Variants in ABCC10 observed in about 807,000 individuals in gnomAD.
The protein encoded by ABCC10 is ATP-binding cassette sub-family C member 10.
In ABCC10, 110 loss-of-function variants were observed where a neutral mutation model predicts 143.2. That is an observed-to-expected ratio of 0.77 (90% CI 0.66 to 0.90). The LOEUF is 0.90. ABCC10 is among the 40% of genes least tolerant of loss of function. ABCC10 has a pLI of 0.00. For missense variants in ABCC10, 1,700 were observed against 1,900.5 expected, an observed-to-expected ratio of 0.89 and a Z score of 1.96; for synonymous variants, 805 against 846.7, an observed-to-expected ratio of 0.95 and a Z score of 0.85.
Position 43,444,933 on chromosome 6 carries a change from C to G in ABCC10, c.2835C>G (p.Asn945Lys). 4 of 1,611,314 alleles carry G rather than the reference C, an allele frequency of 2.5e-6. No individual in the cohort carries two copies. The highest frequency in any genetic ancestry group is 3.4e-6 in the Non-Finnish European group (4 of 1,178,712). ...AGCTGCTCCTCTTTTCCCCTGGAAA[C>G]CTCTAGTGAGTGGCTGGGGCTGGGG... ...SPQLLLFSPG[N>K]LYIPVFPLPK... is the part of the protein sequence containing the mutation. The change falls in exon 13 of 22, where the codon AAC (asparagine) becomes AAG (lysine). Residue 945 changes from asparagine (N) to lysine (K), a missense_variant. Coordinates refer to ENST00000372530, the MANE Select transcript of ABCC10 (RefSeq NM_001198934.2).
rs1783624891 is a variant in ABCC10, at chr6:43,450,263, G to GC, written c.*173dup. 1.1e-6 allele frequency: 1 copy of GC among 908,596 alleles called. No individual in the cohort carries two copies. The highest frequency in any genetic ancestry group is 1.6e-6 in the Non-Finnish European group (1 of 624,982). 56.3% of individuals were successfully genotyped at this position (908,596 alleles called of 1,614,324 possible). On this transcript the variant is annotated 3_prime_UTR_variant, in exon 22 of 22. Transcript: ENST00000372530. This position sits in a 1 kb window ranked among gnomAD's most constrained non-coding sequence, Gnocchi z 4.5. ...TTTGGAAATCACTCCTTGGTGGGCA[G>GC]CATCCTGAGGCTTCCCCAGAACCAG...
rs1479579559 is a variant in ABCC10, at chr6:43,443,965, G to T, written c.2449G>T (p.Ala817Ser). Residue 817 changes from alanine (A) to serine (S), a missense_variant, in exon 11 of 22, where the codon GCT (alanine) becomes TCT (serine). Ala to Ser is a moderately conservative substitution (Grantham distance 99, BLOSUM62 1). Transcript: ENST00000372530. The surrounding 1 kb of genome is among the most constrained non-coding windows in gnomAD (Gnocchi z 4.2). The stretch of plus-strand genomic sequence containing the variant: ...CTCTGAGATTCTGCCACTGGTACAA[G>T]CTGTCCCCAAAGCCTGGGCTGAGAA... ...PPSEILPLVQ[A>S]VPKAWAENGQ... 6.2e-7 allele frequency: 1 copy of T among 1,614,206 alleles called. No homozygotes were observed. The highest frequency in any genetic ancestry group is 8.5e-7 in the Non-Finnish European group (1 of 1,180,008).
chr6:43,445,932 G>A lies in ABCC10; in HGVS notation c.3364G>A (p.Ala1122Thr). The stretch of plus-strand genomic sequence containing the variant: ...CCTCTCTGTGCTCCGGGCCACAGGG[G>A]CCACCTACAGGTGTGTGAACCAGAG... ...AGLSVLRATG[A>T]TYRFEEENLR... Residue 1122 changes from alanine (A) to threonine (T), a missense_variant, in exon 15 of 22, where the codon GCC becomes ACC. Ala to Thr is a moderately conservative substitution (Grantham distance 58). Transcript: ENST00000372530. 6.2e-7 allele frequency: 1 copy of A among 1,612,070 alleles called. No individual in the cohort carries two copies.
rs1782462893 is a variant in ABCC10, at chr6:43,441,467, T to C, written c.2128-395T>C. On this transcript the variant is annotated intron_variant, in intron 8 of 21. Transcript: ENST00000372530. Reference sequence around the variant, plus strand: ...CTCCAGCCTGGCGACAGAGCGAGACTCCGTCTCAAAAAAAAAAAAGGGTAG... The same window carrying C: ...CTCCAGCCTGGCGACAGAGCGAGACCCCGTCTCAAAAAAAAAAAAGGGTAG... 2.0e-5 allele frequency among the ~76,000 whole-genome samples: 3 copies of C among 151,016 alleles called. No individual in the cohort carries two copies. In the South Asian group the frequency reaches 6.3e-4, roughly 32 times the overall value.
intron 9 of ABCC10, among the ~76,000 whole-genome samples, chr6:43,442,729 T>TAAA: frequency 6.8e-6 from 1 of 146,622 alleles, no homozygotes; most frequent in African/African-American, 2.6e-5. Context: ...AGACCATGTC[T>TAAA]CAAAAAAAAA....
At chr6:43,432,044 A>G in intron 2 of ABCC10, 98 bp from the exon 3 acceptor site, 1 of 1,523,604 alleles carries the variant, frequency 6.6e-7, no homozygotes, top group Non-Finnish European at 8.8e-7. Flanking sequence ...GCAGGAAGGG[A>G]GTTGATTCCT....
chr6:43,445,259 G>A lies in ABCC10; in HGVS notation c.2975G>A (p.Gly992Asp). The change falls in exon 14 of 22, where the codon GGC (glycine) becomes GAC (aspartate). Residue 992 changes from glycine (G) to aspartate (D), a missense_variant. By Grantham distance (94) the Gly-to-Asp change is moderately conservative. Coordinates refer to ENST00000372530, the MANE Select transcript of ABCC10 (RefSeq NM_001198934.2). Reference sequence around the variant, plus strand: ...CTCCGGGCAGTGCTCTTTGCAGCAGGCACCCTTCAAGCAGCTGCCACTCTG... The same window carrying A: ...CTCCGGGCAGTGCTCTTTGCAGCAGACACCCTTCAAGCAGCTGCCACTCTG... The part of the protein sequence containing the change: ...TLLRAVLFAA[G>D]TLQAAATLHR... 1 of 1,613,924 alleles carries A rather than the reference G, an allele frequency of 6.2e-7. No individual in the cohort carries two copies. Among genetic ancestry groups the A allele is most frequent in the Non-Finnish European group, 8.5e-7 (1 of 1,179,966 alleles).
intron 16 of ABCC10, chr6:43,446,856 T>G: frequency 1.9e-6 from 2 of 1,070,424 alleles, no homozygotes; most frequent in Non-Finnish European, 2.3e-6. Flanking sequence ...TTTGTTTTGT[T>G]TTTTTTTTTG....
intron 8 of ABCC10, among the ~76,000 whole-genome samples, chr6:43,441,125 C>G (rs546490544): frequency 6.6e-6 from 1 of 151,202 alleles, no homozygotes; most frequent in South Asian, 2.1e-4. Flanking sequence ...AAGTAAAAAC[C>G]TATAAAAGCT....
intron 8 of ABCC10, 48 bp downstream of exon 8, chr6:43,438,843 C>G (rs762436886): frequency 6.3e-7 from 1 of 1,597,160 alleles, no homozygotes; most frequent in East Asian, 2.2e-5. Context: ...TCTCCAGTGT[C>G]CCTGACACCT....
intron 1 of ABCC10, 96 bp from the exon 2 acceptor site, chr6:43,427,872 T>A: frequency 1.4e-6 from 2 of 1,434,194 alleles, no homozygotes; most frequent in Non-Finnish European, 2.0e-6. Context: ...CGGTCCCGGT[T>A]CCAGGGCGGG....
At position 43,437,961 on chromosome 6, in the gene ABCC10, G is replaced by T. The variant is rs1345486548; in HGVS notation, c.1903G>T (p.Val635Phe). ...TATGCTGGTGGGCATCGTGGGGAAG[G>T]TCGGCTGTGGGAAGAGCTCCCTGCT... ...KGMLVGIVGK[V>F]GCGKSSLLAA... Residue 635 changes from valine (V) to phenylalanine (F), a missense_variant, in exon 7 of 22, where the codon GTC becomes TTC. Coordinates refer to ENST00000372530, the MANE Select transcript of ABCC10 (RefSeq NM_001198934.2). 12 of 1,613,222 alleles carry T rather than the reference G, an allele frequency of 7.4e-6. No individual in the cohort carries two copies. The highest frequency in any genetic ancestry group is 3.3e-5 in the Admixed American group (2 of 59,906).
chr6:43,439,406 A>ATT (rs11386275), intron 8 of ABCC10, among the ~76,000 whole-genome samples: 10,165 of 148,234 alleles, frequency 0.069, 860 homozygotes, highest in African/African-American at 0.2. Context: ...AAATTGATTA[A>ATT]TTTTTTTTTT....
At chr6:43,438,924 TCGGA>T in intron 8 of ABCC10, 129 bp downstream of exon 8, 1 of 1,158,972 alleles carries the variant, frequency 8.6e-7, no homozygotes, top group South Asian at 1.5e-5. Context: ...GGAATGGCCA[TCGGA>T]CTGTGGTCCT....
downstream of ABCC10, chr6:43,450,866 C>T (rs759095967): frequency 8.1e-6 from 13 of 1,614,042 alleles, no homozygotes; most frequent in Admixed American, 1.7e-5. This position sits in a 1 kb window ranked among gnomAD's most constrained non-coding sequence, Gnocchi z 4.5. Flanking sequence ...GGGCTGGCCC[C>T]GTGGCAGGTA....
chr6:43,432,768 TC>T lies in ABCC10; in HGVS notation c.790del (p.Gln264ArgfsTer28). On this transcript the variant is annotated frameshift_variant, in exon 3 of 22. Transcript: ENST00000372530. LOFTEE classifies it high-confidence loss of function. Reference sequence around the variant, plus strand: ...CAGCCAACCTACCTGGCTCGTGTCTTCCAGGCACACTGGCAGGAGGGGGCAC... The same window carrying T: ...CAGCCAACCTACCTGGCTCGTGTCTTCAGGCACACTGGCAGGAGGGGGCAC... ...RLQPTYLARVFQAHWQEGARL... is the reference protein window; with the variant it reads ...RLQPTYLARVXQAHWQEGARL... 6.2e-7 allele frequency: 1 copy of T among 1,614,200 alleles called. No individual in the cohort carries two copies. Among genetic ancestry groups the T allele is most frequent in the South Asian group, 1.1e-5 (1 of 91,092 alleles).
Position 43,447,234 on chromosome 6 carries a change from C to T in ABCC10, c.3545-14C>T. ...GTCCAAGCTCTCCCAGCAGCTGGTA[C>T]TTCTCTCCCCCAGGGCTGGTGGGCT... is the stretch of plus-strand genomic sequence containing the variant. On this transcript the variant is annotated splice_polypyrimidine_tract_variant and intron_variant, in intron 16 of 21. Coordinates refer to ENST00000372530, the MANE Select transcript of ABCC10 (RefSeq NM_001198934.2). The T allele has an allele frequency of 6.2e-7, 1 of 1,610,264 alleles. No individual in the cohort carries two copies. The highest frequency in any genetic ancestry group is 1.1e-5 in the South Asian group (1 of 90,802).
rs1782710083 is a variant in ABCC10, at chr6:43,443,622, A to G, written c.2417-311A>G. ...GAGAAAAAGCTCTGCAGTAATGAGA[A>G]GTAACCCTGGACAGAGTGGCAGGCA... On this transcript the variant is annotated intron_variant, in intron 10 of 21. Coordinates refer to ENST00000372530, the MANE Select transcript of ABCC10 (RefSeq NM_001198934.2). The surrounding 1 kb of genome is among the most constrained non-coding windows in gnomAD (Gnocchi z 4.2). The G allele has an allele frequency of 2.9e-6, 1 of 346,164 alleles. No homozygotes were observed. Among genetic ancestry groups the G allele is most frequent in the Non-Finnish European group, 5.3e-6 (1 of 188,718 alleles). 21.4% of individuals were successfully genotyped at this position (346,164 alleles called of 1,614,324 possible).
In ABCC10 at chr6:43,432,367, C is replaced by T. The variant is rs1227766058; in HGVS notation, c.387C>T (p.His129=). 4 of 1,613,282 alleles carry T rather than the reference C, an allele frequency of 2.5e-6. No individual in the cohort carries two copies. In the African/African-American group the frequency reaches 4.0e-5, roughly 16 times the overall value. The change falls in exon 3 of 22, where the codon CAC becomes CAT. Residue 129 remains histidine, a synonymous_variant. Coordinates refer to ENST00000372530, the MANE Select transcript of ABCC10 (RefSeq NM_001198934.2). ...TGTTGGCACATTCCCCTCATGGCCA[C>T]TCCCGGGGTCCCTTGGCCTTGGCCC... is the stretch of plus-strand genomic sequence containing the variant. ...LWVLAHSPHG[H]SRGPLALALV...
Sources: gnomAD v4.1 joint callset for allele counts (sites outside exome capture counted in the v4.1 genomes callset) on GRCh38, gnomAD v4.1.1 for gene constraint, Gnocchi (gnomAD v3.1) non-coding constraint, MANE v1.5 for transcripts, NCBI Gene and HGNC (gene_info 2026-07-23, HGNC 2026-07-21) for gene names.